The following HEMK2 variants were observed in gnomAD, a reference collection of about 807,000 sequenced individuals.
HEMK2 encodes HemK methyltransferase 2, ETF1 glutamine and histone H4 lysine.
At chr21:28,793,772 C>T in the HEMK2 span, among the ~76,000 whole-genome samples, 2 of 152,056 alleles carry the variant, frequency 1.3e-5, no homozygotes, top group African/African-American at 2.4e-5. Flanking sequence ...AACACAAGTG[C>T]TTTATAAGAA....
chr21:28,838,991 A>G, the HEMK2 span, among the ~76,000 whole-genome samples: 1 of 86,170 alleles, frequency 1.2e-5, no homozygotes. Context: ...ATATATATAT[A>G]TATATATATA....
At chr21:28,675,971 C>T in the HEMK2 span, among the ~76,000 whole-genome samples, 1 of 152,172 alleles carries the variant, frequency 6.6e-6, no homozygotes, top group Non-Finnish European at 1.5e-5. Context: ...CTGGGCATTA[C>T]CCTGCCCCGT....
the HEMK2 span, among the ~76,000 whole-genome samples, chr21:28,778,328 T>C: frequency 1.3e-5 from 2 of 152,346 alleles, no homozygotes; most frequent in African/African-American, 2.4e-5. Flanking sequence ...TAGTATTCCA[T>C]GGTATGGATG....
the HEMK2 span, among the ~76,000 whole-genome samples, chr21:28,597,145 G>C: frequency 2.0e-5 from 3 of 152,008 alleles, no homozygotes; most frequent in Non-Finnish European, 4.4e-5. Flanking sequence ...AGGCAAAAGG[G>C]AACAAGAATG....
At chr21:28,615,221 G>A in the HEMK2 span, among the ~76,000 whole-genome samples, 39 of 152,180 alleles carry the variant, frequency 2.6e-4, no homozygotes, top group East Asian at 6.6e-3. Context: ...GCAGGAAGAC[G>A]CAGGGAGTAA....
At chr21:28,701,502 AT>A in the HEMK2 span, among the ~76,000 whole-genome samples, 1 of 151,748 alleles carries the variant, frequency 6.6e-6, no homozygotes, top group East Asian at 1.9e-4. Flanking sequence ...CCAGCAACAT[AT>A]AAGCTGAGAT....
the HEMK2 span, among the ~76,000 whole-genome samples, chr21:28,740,725 C>A: frequency 2.0e-5 from 3 of 152,120 alleles, no homozygotes; most frequent in Non-Finnish European, 4.4e-5. Flanking sequence ...AAATTATTGG[C>A]TTTATTCTTC....
chr21:28,742,611 C>G, the HEMK2 span, among the ~76,000 whole-genome samples: 6 of 151,818 alleles, frequency 4.0e-5, no homozygotes, highest in African/African-American at 1.5e-4. Context: ...GGCATAATTC[C>G]TTTTCCAAGT....
chr21:28,795,564 T>A, the HEMK2 span, among the ~76,000 whole-genome samples: 1 of 152,228 alleles, frequency 6.6e-6, no homozygotes, highest in Non-Finnish European at 1.5e-5. Flanking sequence ...AACATGTGTT[T>A]ACTGGGTGAA....
the HEMK2 span, among the ~76,000 whole-genome samples, chr21:28,683,065 A>G: frequency 2.0e-5 from 3 of 151,386 alleles, no homozygotes; most frequent in South Asian, 2.1e-4. Context: ...TAAAAAAATT[A>G]AATTAAAAAA....
chr21:28,714,837 TATATTC>T, the HEMK2 span, among the ~76,000 whole-genome samples: 3 of 152,188 alleles, frequency 2.0e-5, no homozygotes, highest in African/African-American at 7.2e-5. Flanking sequence ...TTCTCACCTT[TATATTC>T]ATGAGTACCC....
the HEMK2 span, among the ~76,000 whole-genome samples, chr21:28,764,558 T>C: frequency 7.2e-5 from 11 of 152,244 alleles, no homozygotes; most frequent in South Asian, 4.1e-4. Flanking sequence ...ACAAACGTCC[T>C]ATAAAAGATA....
the HEMK2 span, among the ~76,000 whole-genome samples, chr21:28,611,865 T>C: frequency 7.0e-6 from 1 of 142,940 alleles, no homozygotes; most frequent in Non-Finnish European, 1.5e-5. Flanking sequence ...TGAGTGAAGA[T>C]CGTGCCACTG....
chr21:28,878,431 A>G, the HEMK2 span: 1 of 1,435,822 alleles, frequency 7.0e-7, no homozygotes, highest in African/African-American at 1.4e-5. Context: ...AAAAGTATAT[A>G]TTTTGCATTT....
the HEMK2 span, among the ~76,000 whole-genome samples, chr21:28,723,786 A>AT: frequency 6.6e-6 from 1 of 152,180 alleles, no homozygotes; most frequent in Non-Finnish European, 1.5e-5. Context: ...CCCAAAAATG[A>AT]TTTTTTAAAA....
chr21:28,745,893 C>T, the HEMK2 span, among the ~76,000 whole-genome samples: 1 of 152,176 alleles, frequency 6.6e-6, no homozygotes, highest in African/African-American at 2.4e-5. Flanking sequence ...ACCTTCAGGA[C>T]GATTTCAGTA....
At chr21:28,648,844 C>T in the HEMK2 span, among the ~76,000 whole-genome samples, 2 of 151,984 alleles carry the variant, frequency 1.3e-5, no homozygotes, top group Non-Finnish European at 2.9e-5. Context: ...TGCAGGTTAG[C>T]TACATATGTA....
the HEMK2 span, among the ~76,000 whole-genome samples, chr21:28,870,593 G>A: frequency 3.3e-5 from 5 of 152,170 alleles, no homozygotes; most frequent in South Asian, 8.3e-4. Flanking sequence ...TAAAGATGGG[G>A]TTTCATCCTG....
At chr21:28,830,954 C>G in the HEMK2 span, among the ~76,000 whole-genome samples, 6 of 151,044 alleles carry the variant, frequency 4.0e-5, no homozygotes, top group Non-Finnish European at 8.8e-5. Context: ...AATTAGTATT[C>G]TATCCATCTG....
Sources: allele counts gnomAD v4.1 joint callset (sites outside exome capture counted in the v4.1 genomes callset), GRCh38; gene constraint gnomAD v4.1.1; transcripts MANE v1.5; gene names NCBI Gene and HGNC (gene_info 2026-07-23, HGNC 2026-07-21).